The following AK5 variants were observed in gnomAD, a reference collection of about 807,000 sequenced individuals.
AK5 encodes the protein adenylate kinase isoenzyme 5.
A neutral mutation model predicts 69.5 loss-of-function variants in AK5; 27 were observed. The observed-to-expected ratio is 0.39, with a 90% confidence interval of 0.29 to 0.54. The LOEUF (loss-of-function observed/expected upper bound fraction) is 0.54. AK5 is among the 20% of genes least tolerant of loss of function. AK5 has a pLI of 0.71. For synonymous variants in AK5, 260 were observed against 244.4 expected, an observed-to-expected ratio of 1.06 and a Z score of -0.60; for missense variants, 531 against 700.4, an observed-to-expected ratio of 0.76 and a Z score of 2.73.
At chr1:77,298,017 A>T in intron 5 of AK5, 70 bp downstream of exon 5, 1 of 1,117,324 alleles carries the variant, frequency 8.9e-7, no homozygotes, top group Non-Finnish European at 1.3e-6. Context: ...AAACAAAAAG[A>T]CTTCTTGGAA....
chr1:77,405,353 G>C (rs577158160), intron 6 of AK5, among the ~76,000 whole-genome samples: 6 of 152,214 alleles, frequency 3.9e-5, no homozygotes, highest in African/African-American at 1.4e-4. Flanking sequence ...TGTCTGAACC[G>C]GGTTTACAAG....
intron 13 of AK5, among the ~76,000 whole-genome samples, chr1:77,551,104 G>C (rs931640590): frequency 6.6e-6 from 1 of 152,212 alleles, no homozygotes; most frequent in Non-Finnish European, 1.5e-5. Flanking sequence ...TTGAACCCGG[G>C]AGGTGGGGGT....
intron 6 of AK5, among the ~76,000 whole-genome samples, chr1:77,405,458 T>G (rs984687868): frequency 2.0e-5 from 3 of 152,246 alleles, no homozygotes; most frequent in African/African-American, 7.2e-5. Context: ...TGTCACCGCA[T>G]ATCCTAACCT....
chr1:77,470,949 T>G lies in AK5; in HGVS notation c.1060-12368T>G, dbSNP rs1459211382. On this transcript the variant is annotated intron_variant, in intron 8 of 13. Coordinates refer to ENST00000354567, the MANE Select transcript of AK5 (RefSeq NM_174858.3). ...AGGCTGGAGTGCAGTGGCATGATCT[T>G]GGCTCACTGCAACCTCTGCCTCCTG... 2.1e-5 allele frequency among the ~76,000 whole-genome samples: 3 copies of G among 143,554 alleles called. No individual in the cohort carries two copies. The Admixed American group carries it at 2.1e-4, about 10-fold the overall frequency. 94.2% of individuals were successfully genotyped at this position (143,554 alleles called of 152,430 possible).
chr1:77,307,867 C>T (rs1181420616), intron 5 of AK5, among the ~76,000 whole-genome samples: 1 of 152,164 alleles, frequency 6.6e-6, no homozygotes, highest in Non-Finnish European at 1.5e-5. Flanking sequence ...GAAGTTAAAA[C>T]CAGGTACTGT....
intron 8 of AK5, among the ~76,000 whole-genome samples, chr1:77,481,056 G>C (rs1001055073): frequency 7.9e-5 from 12 of 152,216 alleles, no homozygotes; most frequent in Non-Finnish European, 1.0e-4. Flanking sequence ...TTGAGGCAGG[G>C]AGCCAGACTG....
chr1:77,551,056 A>G (rs1379833572), intron 13 of AK5, among the ~76,000 whole-genome samples: 1 of 152,206 alleles, frequency 6.6e-6, no homozygotes, highest in Non-Finnish European at 1.5e-5. Flanking sequence ...ACATGCCTGT[A>G]ATTCCAGCTA....
intron 12 of AK5, among the ~76,000 whole-genome samples, chr1:77,530,361 C>T (rs1040890393): frequency 2.0e-5 from 3 of 152,204 alleles, no homozygotes; most frequent in African/African-American, 7.2e-5. Context: ...AGATATTCCT[C>T]CTCTAGTGAG....
intron 13 of AK5, among the ~76,000 whole-genome samples, chr1:77,554,240 A>C (rs1225287512): frequency 6.6e-6 from 1 of 152,144 alleles, no homozygotes; most frequent in African/African-American, 2.4e-5. Context: ...GTGCTTTCAG[A>C]TCTCTACACC....
chr1:77,414,549 T>C (rs187239489), intron 7 of AK5, among the ~76,000 whole-genome samples: 57 of 152,302 alleles, frequency 3.7e-4, no homozygotes, highest in African/African-American at 1.2e-3. Context: ...CCCCTTAAAT[T>C]TAAGGAGCCA....
At chr1:77,494,930 C>T (rs1377950444) in intron 10 of AK5, among the ~76,000 whole-genome samples, 2 of 151,882 alleles carry the variant, frequency 1.3e-5, no homozygotes, top group African/African-American at 4.8e-5. Flanking sequence ...TACAGGTGCC[C>T]GTCACCACGC....
intron 8 of AK5, among the ~76,000 whole-genome samples, chr1:77,446,702 GTTA>G (rs902275290): frequency 5.3e-5 from 8 of 151,962 alleles, no homozygotes; most frequent in African/African-American, 1.9e-4. Flanking sequence ...CTTGTTTGTT[GTTA>G]TTGTTGTTGT....
chr1:77,323,106 GCCT>G (rs1660617970), intron 5 of AK5, among the ~76,000 whole-genome samples: 1 of 151,652 alleles, frequency 6.6e-6, no homozygotes, highest in South Asian at 2.1e-4. Flanking sequence ...TCCTGCCTCA[GCCT>G]CCTCAAGTAG....
chr1:77,529,311 G>C (rs1235181765), intron 12 of AK5, among the ~76,000 whole-genome samples: 2 of 150,532 alleles, frequency 1.3e-5, no homozygotes, highest in African/African-American at 4.9e-5. Context: ...TACTTAACAG[G>C]TGTTAGGACC....
At chr1:77,398,924 A>T (rs868409803) in intron 6 of AK5, among the ~76,000 whole-genome samples, 3 of 152,268 alleles carry the variant, frequency 2.0e-5, no homozygotes, top group Middle Eastern at 6.8e-3. Flanking sequence ...GAGATATTCT[A>T]AAAGTTTATT....
chr1:77,472,217 G>A (rs1654549184), intron 8 of AK5, among the ~76,000 whole-genome samples: 1 of 152,116 alleles, frequency 6.6e-6, no homozygotes, highest in African/African-American at 2.4e-5. Context: ...TCCCAGAGTT[G>A]GTCCAGCAGG....
At chr1:77,397,100 C>A (rs147593631) in intron 6 of AK5, among the ~76,000 whole-genome samples, 1 of 152,308 alleles carries the variant, frequency 6.6e-6, no homozygotes, top group East Asian at 1.9e-4. Context: ...GACATCTCCC[C>A]TTCTCAGAAT....
chr1:77,363,879 C>T (rs1181885253), intron 6 of AK5, among the ~76,000 whole-genome samples: 1 of 152,178 alleles, frequency 6.6e-6, no homozygotes, highest in South Asian at 2.1e-4. Context: ...TTCTCCAGGA[C>T]ATTTATTACT....
chr1:77,429,697 GAT>G (rs1429533647), intron 8 of AK5, among the ~76,000 whole-genome samples: 1 of 152,160 alleles, frequency 6.6e-6, no homozygotes, highest in Non-Finnish European at 1.5e-5. Context: ...CTGACCTCGT[GAT>G]CCGCCCGCCT....
Sources: allele counts gnomAD v4.1 joint callset (sites outside exome capture counted in the v4.1 genomes callset), GRCh38; gene constraint gnomAD v4.1.1; transcripts MANE v1.5; gene names NCBI Gene and HGNC (gene_info 2026-07-23, HGNC 2026-07-21).